Variants in PCNT observed in about 807,000 individuals in gnomAD.
PCNT encodes the protein pericentrin, also known as kendrin.
PCNT carries 319 observed loss-of-function variants against 380.4 expected under a neutral mutation model. That is an observed-to-expected ratio of 0.84 (90% CI 0.77 to 0.92). The LOEUF is 0.92. PCNT is among the 40% of genes least tolerant of loss of function. The pLI is 0.00. For missense variants in PCNT, 4,400 were observed against 4,255.3 expected (o/e 1.03, Z -0.95); for synonymous variants, 1,845 against 1,735.2 (o/e 1.06, Z -1.57).
In PCNT at chr21:46,349,152, G is replaced by A. The variant is rs765006753; in HGVS notation, c.1173G>A (p.Leu391=). The A allele has an allele frequency of 3.1e-6, 5 of 1,613,882 alleles. No individual in the cohort carries two copies. Among genetic ancestry groups the A allele is most frequent in the Non-Finnish European group, 4.2e-6 (5 of 1,179,878 alleles). Residue 391 remains leucine (L), a synonymous_variant, in exon 7 of 47, where the codon TTG becomes TTA. Coordinates refer to ENST00000359568, the MANE Select transcript of PCNT (RefSeq NM_006031.6). ...QKELAEQRAE[L]EKIFQDKNQA... is the part of the protein sequence containing the mutation. ...AATTGGCAGAACAGAGAGCTGAGTT[G>A]GAGAAGATTTTTCAAGACAAAAACC...
At chr21:46,350,018 T>A (rs1250381013) in intron 8 of PCNT, among the ~76,000 whole-genome samples, 198 bp downstream of exon 8, 1 of 151,696 alleles carries the variant, frequency 6.6e-6, no homozygotes, top group Non-Finnish European at 1.5e-5. Flanking sequence ...GCTCAGGAGT[T>A]TGAGACAAAA....
In PCNT at chr21:46,411,995, C is replaced by T. The variant is rs771541280; in HGVS notation, c.5922C>T (p.Ala1974=). Residue 1974 remains alanine, a synonymous_variant, in exon 28 of 47, where the codon GCC becomes GCT. Transcript: ENST00000359568. ...CACAGCCTCGCATGGATGGTGGCGCCAAGGCCCAGGTCACCGGCGACGTGG... is the reference window on the plus strand; with the variant it reads ...CACAGCCTCGCATGGATGGTGGCGCTAAGGCCCAGGTCACCGGCGACGTGG... ...AHPQPRMDGG[A]KAQVTGDVEA... 6.2e-7 allele frequency: 1 copy of T among 1,605,844 alleles called. No individual in the cohort carries two copies. Among genetic ancestry groups the T allele is most frequent in the Non-Finnish European group, 8.5e-7 (1 of 1,179,826 alleles).
At chr21:46,336,403 C>A (rs574078168) in intron 3 of PCNT, among the ~76,000 whole-genome samples, 1 of 152,192 alleles carries the variant, frequency 6.6e-6, no homozygotes, top group Non-Finnish European at 1.5e-5. Flanking sequence ...GGGACCGGGT[C>A]TCATTCTGTC....
intron 15 of PCNT, among the ~76,000 whole-genome samples, chr21:46,381,174 CAAAAAAA>C (rs34108721): frequency 1.0e-5 from 1 of 96,000 alleles, no homozygotes; most frequent in African/African-American, 3.7e-5. Flanking sequence ...AGAGTCCTTC[CAAAAAAA>C]AAAAAAAAAA....
chr21:46,329,508 A>G (rs1362129552), intron 2 of PCNT, among the ~76,000 whole-genome samples: 1 of 152,236 alleles, frequency 6.6e-6, no homozygotes, highest in African/African-American at 2.4e-5. Flanking sequence ...CTATACCACT[A>G]ATAAAACATG....
At chr21:46,393,813 C>T (rs2086118060) in intron 21 of PCNT, among the ~76,000 whole-genome samples, 1 of 152,180 alleles carries the variant, frequency 6.6e-6, no homozygotes. Flanking sequence ...TCTCCTGCCA[C>T]AAAGCCTGGC....
intron 38 of PCNT, among the ~76,000 whole-genome samples, chr21:46,435,345 C>T (rs1422601812): frequency 6.6e-6 from 1 of 151,960 alleles, no homozygotes; most frequent in Non-Finnish European, 1.5e-5. Flanking sequence ...CCTGCCTCAG[C>T]CTCCCGAGTA....
chr21:46,439,630 A>G (rs1198520201), intron 41 of PCNT, among the ~76,000 whole-genome samples: 2 of 152,252 alleles, frequency 1.3e-5, no homozygotes, highest in African/African-American at 4.8e-5. Context: ...TGGTACAGAC[A>G]CATCGTTTTT....
intron 19 of PCNT, 86 bp from the exon 20 acceptor site, chr21:46,390,584 G>T: frequency 6.9e-7 from 1 of 1,442,730 alleles, no homozygotes; most frequent in Non-Finnish European, 9.8e-7. Flanking sequence ...GAAGGGTCTG[G>T]GGGTAGAAGT....
intron 25 of PCNT, among the ~76,000 whole-genome samples, chr21:46,400,742 A>T (rs1185070523): frequency 6.6e-6 from 1 of 152,080 alleles, no homozygotes; most frequent in Admixed American, 6.5e-5. Context: ...CTGGTCTCGA[A>T]CTACTGACCT....
At chr21:46,360,677 C>T (rs1302835989) in intron 13 of PCNT, among the ~76,000 whole-genome samples, 1 of 152,044 alleles carries the variant, frequency 6.6e-6, no homozygotes, top group Non-Finnish European at 1.5e-5. Context: ...CGCCACCACA[C>T]CCAGCTAATT....
chr21:46,388,908 C>A lies in PCNT; in HGVS notation c.3607+24C>A. ...AGGTGAGTGTGCCGGGACCAGCTGC[C>A]CAGCCCTGTGCTTGCAGCCCCTCTG... is the stretch of plus-strand genomic sequence containing the variant. On this transcript the variant is annotated intron_variant, in intron 18 of 46. Coordinates refer to ENST00000359568, the MANE Select transcript of PCNT (RefSeq NM_006031.6). This position sits in a 1 kb window ranked among gnomAD's most constrained non-coding sequence, Gnocchi z 4.2. 1 of 1,577,162 alleles carries A rather than the reference C, an allele frequency of 6.3e-7. No individual in the cohort carries two copies. Among genetic ancestry groups the A allele is most frequent in the Non-Finnish European group, 8.6e-7 (1 of 1,167,744 alleles).
Position 46,431,884 on chromosome 21 carries a change from T to A in PCNT, c.8420T>A (p.Met2807Lys). The A allele has an allele frequency of 6.2e-7, 1 of 1,614,102 alleles. No individual in the cohort carries two copies. Among genetic ancestry groups the A allele is most frequent in the Non-Finnish European group, 8.5e-7 (1 of 1,180,026 alleles). Residue 2807 changes from methionine to lysine, a missense_variant, in exon 38 of 47, where the codon ATG (methionine) becomes AAG (lysine). Coordinates refer to ENST00000359568, the MANE Select transcript of PCNT (RefSeq NM_006031.6). ...EKSRVVDLQA[M>K]LEKVQQQALH... is the part of the protein sequence containing the mutation. ...TCCCGGGTGGTGGACTTGCAAGCGA[T>A]GCTTGAAAAGGTGCAGCAGCAAGCC...
chr21:46,389,386 G>A lies in PCNT; in HGVS notation c.3795G>A (p.Leu1265=), dbSNP rs761411121. Residue 1265 remains leucine (L), a synonymous_variant, in exon 19 of 47, where the codon CTG becomes CTA. Transcript: ENST00000359568. ...PIRRVFQSLS[L]AVDGLMEMAL... ...GGAGGGTCTTCCAGAGCCTCAGCCT[G>A]GCCGTGGACGGCCTCATGGAGATGG... is the stretch of plus-strand genomic sequence containing the variant. The A allele has an allele frequency of 3.7e-5, 59 of 1,614,072 alleles. No homozygotes were observed. In the Admixed American group the frequency reaches 9.3e-4, roughly 26 times the overall value.
At chr21:46,378,687 A>G (rs2085409853) in intron 15 of PCNT, among the ~76,000 whole-genome samples, 1 of 152,250 alleles carries the variant, frequency 6.6e-6, no homozygotes, top group African/African-American at 2.4e-5. Context: ...AACCGCAGAC[A>G]AAGGGGACTG....
Position 46,326,473 on chromosome 21 carries a change from C to T in PCNT, c.151C>T (p.Gln51Ter), listed in dbSNP as rs755548829. Residue 51 changes from glutamine to a stop codon, truncating the protein, a stop_gained, in exon 2 of 47, where the codon CAG becomes TAG. Coordinates refer to ENST00000359568, the MANE Select transcript of PCNT (RefSeq NM_006031.6). LOFTEE classifies it high-confidence loss of function. Reference sequence around the variant, plus strand: ...GGGCTCGGCTGTCGATGCGTCTGTCCAGGAGGAGAGTCCGGTAACCAAGGA... The same window carrying T: ...GGGCTCGGCTGTCGATGCGTCTGTCTAGGAGGAGAGTCCGGTAACCAAGGA... ...RKGSAVDASV[Q>*]EESPVTKEDS... 1.2e-6 allele frequency: 2 copies of T among 1,614,176 alleles called. No homozygotes were observed. The highest frequency in any genetic ancestry group is 1.7e-6 in the Non-Finnish European group (2 of 1,180,040).
At chr21:46,414,309 A>G (rs1015500667) in intron 29 of PCNT, among the ~76,000 whole-genome samples, 8 of 151,618 alleles carry the variant, frequency 5.3e-5, no homozygotes, top group African/African-American at 1.9e-4. Context: ...GCACCTTTTG[A>G]TGCACTGTCT....
rs966199739 is a variant in PCNT at position 46,324,412 on chromosome 21, C to A, written c.54+130C>A. On this transcript the variant is annotated intron_variant, in intron 1 of 46. Transcript: ENST00000359568. ...AGCCGCCGCGGAGGTCTCGCTTTTT[C>A]CCGCCGGCTCCGCTGGAAGCCGCCT... 3.6e-5 allele frequency: 29 copies of A among 815,978 alleles called. No homozygotes were observed. In the African/African-American group the frequency reaches 4.3e-4, roughly 12 times the overall value. The allele number at this position is 815,978 out of a possible 1,614,324, so 50.5% of individuals were successfully genotyped here.
chr21:46,438,054 C>A, intron 40 of PCNT, 110 bp from the exon 41 acceptor site: 2 of 899,802 alleles, frequency 2.2e-6, no homozygotes, highest in Non-Finnish European at 3.6e-6. Flanking sequence ...TCTCATTGAA[C>A]CCCAGACACA....
Sources: allele counts gnomAD v4.1 joint callset (sites outside exome capture counted in the v4.1 genomes callset), GRCh38; gene constraint gnomAD v4.1.1; non-coding constraint Gnocchi (gnomAD v3.1); transcripts MANE v1.5; gene names NCBI Gene and HGNC (gene_info 2026-07-23, HGNC 2026-07-21).